SPATA6: variants seen among roughly 807,000 people sequenced by gnomAD.
SPATA6 encodes spermatogenesis associated 6.
Under a neutral mutation model 65.3 loss-of-function variants are expected in SPATA6, and 56 were observed. That is an observed-to-expected ratio of 0.86 (90% CI 0.69 to 1.07). SPATA6 has a LOEUF of 1.07. Among genes scored for constraint, SPATA6 ranks in the 50% least tolerant of loss-of-function variants. The pLI is 0.00. For missense variants in SPATA6, 590 were observed against 594.8 expected (o/e 0.99, Z 0.08); for synonymous variants, 199 against 213.2 (o/e 0.93, Z 0.58).
At chr1:48,389,135 G>A (rs895444567) in intron 8 of SPATA6, among the ~76,000 whole-genome samples, 7 of 152,096 alleles carry the variant, frequency 4.6e-5, no homozygotes, top group East Asian at 1.9e-4. Flanking sequence ...ATAAGCCATC[G>A]TGCCTGGCCT....
chr1:48,278,172 A>G, the SPATA6 span, among the ~76,000 whole-genome samples: 21 of 152,264 alleles, frequency 1.4e-4, no homozygotes, highest in Admixed American at 1.4e-3. Context: ...CACACCAAAA[A>G]CTCATCTGTA....
intron 3 of SPATA6, among the ~76,000 whole-genome samples, chr1:48,441,079 C>T (rs950672879): frequency 1.3e-5 from 2 of 152,108 alleles, no homozygotes; most frequent in African/African-American, 4.8e-5. Flanking sequence ...AGCTGCCCAC[C>T]CTGCCATGTC....
At chr1:48,440,801 G>C (rs1655389072) in intron 3 of SPATA6, among the ~76,000 whole-genome samples, 1 of 152,144 alleles carries the variant, frequency 6.6e-6, no homozygotes, top group South Asian at 2.1e-4. Flanking sequence ...TCAGGAGAAA[G>C]CTCGAAAAGC....
At chr1:48,463,629 G>C (rs1014774260) in intron 1 of SPATA6, among the ~76,000 whole-genome samples, 13 of 152,098 alleles carry the variant, frequency 8.5e-5, no homozygotes, top group Admixed American at 8.5e-4. Context: ...TCAGGATACC[G>C]ATTGGCCAAA....
At chr1:48,270,653 G>A in the SPATA6 span, among the ~76,000 whole-genome samples, 4 of 151,528 alleles carry the variant, frequency 2.6e-5, no homozygotes, top group East Asian at 7.7e-4. Context: ...ACAGATGGCA[G>A]TCCTTAATAA....
chr1:48,322,162 T>C (rs1172492801), intron 11 of SPATA6, among the ~76,000 whole-genome samples: 1 of 151,888 alleles, frequency 6.6e-6, no homozygotes, highest in Non-Finnish European at 1.5e-5. Context: ...CCAAAATTAG[T>C]AGAAGTAAAG....
chr1:48,325,374 C>T, intron 11 of SPATA6: 1 of 1,377,862 alleles, frequency 7.3e-7, no homozygotes, highest in Non-Finnish European at 1.0e-6. Flanking sequence ...CATGCGCCTT[C>T]TCCCTGATTC....
chr1:48,400,776 T>C (rs1165699240), intron 6 of SPATA6: 3 of 1,297,994 alleles, frequency 2.3e-6, no homozygotes, highest in Admixed American at 2.3e-5. Flanking sequence ...TACAGACCAG[T>C]TGCATCAGAT....
At chr1:48,458,159 A>G (rs1657151704) in intron 1 of SPATA6, among the ~76,000 whole-genome samples, 2 of 152,078 alleles carry the variant, frequency 1.3e-5, no homozygotes, top group South Asian at 4.1e-4. Flanking sequence ...ACACTAAAAA[A>G]TAATTAACAC....
intron 9 of SPATA6, among the ~76,000 whole-genome samples, chr1:48,375,531 T>G (rs1214188244): frequency 2.0e-5 from 3 of 152,176 alleles, no homozygotes; most frequent in Non-Finnish European, 4.4e-5. Context: ...TTTGTATTTT[T>G]TTTTAATTGT....
At position 48,471,989 on chromosome 1, in the gene SPATA6, A is replaced by T; in HGVS notation, c.20T>A (p.Leu7Gln). The part of the protein sequence containing the change: MPKVKA[L>Q]QCALALEISS... Reference sequence around the variant, plus strand: ...GATCTCCAGCGCCAGGGCGCACTGCAGCGCCTTCACCTTCGGCATCCGTGC... The same window carrying T: ...GATCTCCAGCGCCAGGGCGCACTGCTGCGCCTTCACCTTCGGCATCCGTGC... The change falls in exon 1 of 13, where the codon CTG becomes CAG. Residue 7 changes from leucine to glutamine, a missense_variant. Physicochemically the swap from Leu to Gln is moderately radical, Grantham distance 113. Transcript: ENST00000371847. 1.9e-6 allele frequency: 3 copies of T among 1,591,908 alleles called. No homozygotes were observed. The highest frequency in any genetic ancestry group is 1.7e-6 in the Non-Finnish European group (2 of 1,171,800).
chr1:48,406,489 T>C (rs1453719927), intron 5 of SPATA6, among the ~76,000 whole-genome samples: 1 of 152,212 alleles, frequency 6.6e-6, no homozygotes, highest in Non-Finnish European at 1.5e-5. Flanking sequence ...ATCACACCAT[T>C]TTAAATGTCA....
intron 11 of SPATA6, among the ~76,000 whole-genome samples, chr1:48,329,644 G>A (rs1645858776): frequency 6.6e-6 from 1 of 152,200 alleles, no homozygotes; most frequent in South Asian, 2.1e-4. Context: ...TCATGGAAAG[G>A]AAACAAAAGG....
chr1:48,281,492 G>C, the SPATA6 span, among the ~76,000 whole-genome samples: 1 of 152,112 alleles, frequency 6.6e-6, no homozygotes, highest in East Asian at 1.9e-4. Context: ...AAAGTCTCAG[G>C]ATACAAAATC....
At chr1:48,278,619 G>A in the SPATA6 span, among the ~76,000 whole-genome samples, 6 of 152,192 alleles carry the variant, frequency 3.9e-5, no homozygotes, top group South Asian at 1.2e-3. Context: ...AAGCGAGAAG[G>A]GAAGTTTAGA....
chr1:48,364,092 A>G (rs1646913421), intron 9 of SPATA6, among the ~76,000 whole-genome samples: 1 of 151,956 alleles, frequency 6.6e-6, no homozygotes, highest in South Asian at 2.1e-4. Context: ...GAGAATGATG[A>G]TTTCCAATTT....
At chr1:48,355,611 T>C in intron 11 of SPATA6, 59 bp downstream of exon 11, 4 of 1,224,296 alleles carry the variant, frequency 3.3e-6, no homozygotes, top group Non-Finnish European at 4.6e-6. Context: ...TTTAGGCATC[T>C]TTGGTGGTTT....
chr1:48,314,553 G>A (rs1173029638), intron 11 of SPATA6, among the ~76,000 whole-genome samples: 2 of 152,164 alleles, frequency 1.3e-5, no homozygotes, highest in African/African-American at 4.8e-5. Context: ...TGTGTAGCGG[G>A]AAATTTATAG....
At chr1:48,282,454 T>C in the SPATA6 span, among the ~76,000 whole-genome samples, 30 of 151,934 alleles carry the variant, frequency 2.0e-4, no homozygotes, top group Non-Finnish European at 1.5e-5. Flanking sequence ...GGGGCTAATA[T>C]CCAGAATCTA....
Sources: allele counts gnomAD v4.1 joint callset (sites outside exome capture counted in the v4.1 genomes callset), GRCh38; gene constraint gnomAD v4.1.1; transcripts MANE v1.5; gene names NCBI Gene and HGNC (gene_info 2026-07-23, HGNC 2026-07-21).